USP34: variants seen among roughly 807,000 people sequenced by gnomAD.
The protein encoded by USP34 is ubiquitin specific peptidase 34.
Under a neutral mutation model 460.3 loss-of-function variants are expected in USP34, and 70 were observed. The observed-to-expected ratio is 0.15, with a 90% confidence interval of 0.13 to 0.19. The LOEUF (loss-of-function observed/expected upper bound fraction) is 0.19. USP34 is among the 10% of genes least tolerant of loss of function. The pLI is 1.00. For synonymous variants in USP34, 1,647 were observed against 1,405.3 expected (o/e 1.17, Z -3.85); for missense variants, 3,985 against 4,236.2 (o/e 0.94, Z 1.65).
intron 1 of USP34, among the ~76,000 whole-genome samples, chr2:61,459,679 A>G (rs1695543906): frequency 1.3e-5 from 2 of 151,522 alleles, no homozygotes; most frequent in Admixed American, 1.3e-4. Context: ...CAGGAGGCTG[A>G]GGCAGGAGAA....
chr2:61,222,823 GT>G, intron 64 of USP34, 160 bp from the exon 65 acceptor site: 1 of 731,506 alleles, frequency 1.4e-6, no homozygotes, highest in Non-Finnish European at 2.3e-6. Context: ...CAGCCTCCGA[GT>G]GGCTGGGACT....
At chr2:61,237,628 C>G (rs1340643275) in intron 53 of USP34, among the ~76,000 whole-genome samples, 1 of 133,350 alleles carries the variant, frequency 7.5e-6, no homozygotes, top group Non-Finnish European at 1.5e-5. Flanking sequence ...AGTGCAGCAG[C>G]ATGATCACAG....
intron 1 of USP34, among the ~76,000 whole-genome samples, chr2:61,432,126 C>G (rs1052405415): frequency 2.0e-5 from 3 of 151,210 alleles, no homozygotes; most frequent in African/African-American, 7.3e-5. Context: ...TTTGCTTGGG[C>G]CCAGGTGTTT....
At chr2:61,422,243 G>A (rs1017321062) in intron 1 of USP34, among the ~76,000 whole-genome samples, 6 of 152,156 alleles carry the variant, frequency 3.9e-5, no homozygotes, top group African/African-American at 7.2e-5. Flanking sequence ...ATCACAGTAC[G>A]CCATGCCAGT....
At chr2:61,433,616 A>G (rs1694736812) in intron 1 of USP34, among the ~76,000 whole-genome samples, 1 of 152,156 alleles carries the variant, frequency 6.6e-6, no homozygotes, top group African/African-American at 2.4e-5. Flanking sequence ...CCTGGGCAAC[A>G]GAGTAAGACT....
At chr2:61,394,137 G>C (rs996540276) in intron 5 of USP34, among the ~76,000 whole-genome samples, 3 of 152,004 alleles carry the variant, frequency 2.0e-5, no homozygotes, top group East Asian at 1.9e-4. Context: ...ATAAATAAAA[G>C]TATCTTTCTT....
At chr2:61,231,125 C>T (rs369057821) in intron 58 of USP34, among the ~76,000 whole-genome samples, 24 of 152,008 alleles carry the variant, frequency 1.6e-4, no homozygotes, top group East Asian at 3.9e-4. Flanking sequence ...ATTGTTAAAT[C>T]GAAGCAGTAA....
intron 16 of USP34, among the ~76,000 whole-genome samples, 188 bp from the exon 17 acceptor site, chr2:61,339,869 G>A (rs547810401): frequency 6.6e-6 from 1 of 151,632 alleles, no homozygotes; most frequent in African/African-American, 2.4e-5. Flanking sequence ...ACTGAGTCTC[G>A]CTATGTTGGC....
intron 2 of USP34, chr2:61,417,029 T>C: frequency 3.8e-6 from 5 of 1,304,038 alleles, no homozygotes; most frequent in Non-Finnish European, 5.5e-6. Context: ...TTCTTCCAGA[T>C]GTGGATCTTC....
At chr2:61,245,074 T>C (rs1688383801) in intron 51 of USP34, 136 bp downstream of exon 51, 1 of 595,172 alleles carries the variant, frequency 1.7e-6, no homozygotes, top group African/African-American at 1.9e-5. Context: ...AAACTTCCAA[T>C]AAATATAAAC....
At chr2:61,400,971 G>C (rs994392901) in intron 3 of USP34, among the ~76,000 whole-genome samples, 2 of 151,888 alleles carry the variant, frequency 1.3e-5, no homozygotes, top group African/African-American at 4.8e-5. Context: ...CCAACATGGT[G>C]AAACCCTGTC....
At chr2:61,224,006 T>C (rs1687662012) in intron 62 of USP34, among the ~76,000 whole-genome samples, 1 of 152,208 alleles carries the variant, frequency 6.6e-6, no homozygotes, top group Non-Finnish European at 1.5e-5. Flanking sequence ...ATTTAATCCA[T>C]AAATCATAGT....
At chr2:61,433,591 G>A (rs900767094) in intron 1 of USP34, among the ~76,000 whole-genome samples, 1 of 152,084 alleles carries the variant, frequency 6.6e-6, no homozygotes, top group African/African-American at 2.4e-5. Context: ...CCAAGATCGT[G>A]CCACTGCACT....
intron 27 of USP34, among the ~76,000 whole-genome samples, chr2:61,310,856 A>C (rs1690570055): frequency 6.6e-6 from 1 of 152,196 alleles, no homozygotes; most frequent in Non-Finnish European, 1.5e-5. Context: ...ATGGAAATTT[A>C]AAGTTATCAA....
chr2:61,427,991 C>T (rs1376857719), intron 1 of USP34, among the ~76,000 whole-genome samples: 3 of 151,638 alleles, frequency 2.0e-5, no homozygotes, highest in African/African-American at 4.9e-5. Flanking sequence ...GGTGAAACCC[C>T]GTCTCTACTA....
At chr2:61,294,215 G>C (rs531309148) in intron 32 of USP34, among the ~76,000 whole-genome samples, 1 of 150,962 alleles carries the variant, frequency 6.6e-6, no homozygotes, top group Non-Finnish European at 1.5e-5. Context: ...GTGTGGTGGC[G>C]GGCGCCTGTA....
chr2:61,283,347 AAATATATC>A, intron 36 of USP34, 54 bp downstream of exon 36: 2 of 1,568,310 alleles, frequency 1.3e-6, no homozygotes, highest in African/African-American at 1.4e-5. Flanking sequence ...ATTAAAGGTA[AAATATATC>A]AATATATTAT....
intron 41 of USP34, among the ~76,000 whole-genome samples, chr2:61,266,673 G>T (rs1689057367): frequency 1.3e-5 from 2 of 152,022 alleles, no homozygotes; most frequent in Admixed American, 6.6e-5. Context: ...TTTCTAATTG[G>T]TCCTTTGCTA....
At chr2:61,313,653 G>A (rs1159598475) in intron 25 of USP34, among the ~76,000 whole-genome samples, 1 of 152,068 alleles carries the variant, frequency 6.6e-6, no homozygotes, top group African/African-American at 2.4e-5. Context: ...GCAGTAAGAA[G>A]TTTCTGTGTA....
Sources: gnomAD v4.1 joint callset for allele counts (sites outside exome capture counted in the v4.1 genomes callset) on GRCh38, gnomAD v4.1.1 for gene constraint, MANE v1.5 for transcripts, NCBI Gene and HGNC (gene_info 2026-07-23, HGNC 2026-07-21) for gene names.